The following NBEA variants were observed in gnomAD, a reference collection of about 807,000 sequenced individuals.
The protein encoded by NBEA is neurobeachin.
NBEA carries 44 observed loss-of-function variants against 343.4 expected under a neutral mutation model. The observed-to-expected ratio is 0.13, with a 90% CI of 0.10 to 0.16. The LOEUF (loss-of-function observed/expected upper bound fraction) is 0.16, where lower values mean the gene tolerates loss of function less well. Among genes scored for constraint, NBEA ranks in the 10% least tolerant of loss-of-function variants. The pLI, the probability that NBEA is intolerant of heterozygous loss-of-function variation, is 1.00. For missense variants in NBEA, 2,555 were observed against 3,631.3 expected (o/e 0.70, Z 7.62); for synonymous variants, 1,175 against 1,238.7 (o/e 0.95, Z 1.08).
rs566256715 is a variant in NBEA at position 34,957,955 on chromosome 13, C to T, written c.294+14841C>T. ...CAGTGTGGAAGCCCATTTCTTGTGG[C>T]GGTGAGCGCTTATAATGTGGCTTTT... On this transcript the variant is annotated intron_variant, in intron 1 of 58. Transcript: ENST00000379939. Among the ~76,000 whole-genome samples, 94 of 151,944 alleles carry T rather than the reference C, an allele frequency of 6.2e-4. 1 individual carries two copies. The highest frequency in any genetic ancestry group is 2.2e-3 in the African/African-American group (91 of 41,492).
chr13:35,583,379 G>C (rs949307576), intron 45 of NBEA, among the ~76,000 whole-genome samples: 4 of 152,154 alleles, frequency 2.6e-5, no homozygotes, highest in African/African-American at 9.7e-5. Flanking sequence ...CAGTAAAAAG[G>C]ATAGTTGTTC....
intron 39 of NBEA, among the ~76,000 whole-genome samples, chr13:35,443,458 T>A (rs1033293943): frequency 6.6e-6 from 1 of 152,002 alleles, no homozygotes; most frequent in African/African-American, 2.4e-5. Flanking sequence ...TTCAATATAT[T>A]CTCTGTCAAC....
At chr13:35,325,914 T>A (rs1352649219) in intron 36 of NBEA, among the ~76,000 whole-genome samples, 1 of 151,986 alleles carries the variant, frequency 6.6e-6, no homozygotes, top group Non-Finnish European at 1.5e-5. Context: ...GAATAAGGAG[T>A]CCTTTCTCCA....
intron 22 of NBEA, among the ~76,000 whole-genome samples, chr13:35,160,254 G>T (rs564202779): frequency 6.6e-6 from 1 of 152,120 alleles, no homozygotes; most frequent in East Asian, 1.9e-4. Flanking sequence ...GTGTAACTTT[G>T]CTCAACCTCT....
chr13:35,576,710 A>G (rs1330181044), intron 45 of NBEA, among the ~76,000 whole-genome samples: 1 of 152,214 alleles, frequency 6.6e-6, no homozygotes, highest in Non-Finnish European at 1.5e-5. Context: ...TATACAAAGT[A>G]GAATTACTTG....
At chr13:35,400,514 T>A (rs2042955714) in intron 38 of NBEA, among the ~76,000 whole-genome samples, 1 of 152,000 alleles carries the variant, frequency 6.6e-6, no homozygotes. Flanking sequence ...ATTATATATA[T>A]TTTTTGAGGA....
chr13:35,561,037 A>G (rs2153021586), intron 44 of NBEA, among the ~76,000 whole-genome samples: 1 of 152,312 alleles, frequency 6.6e-6, no homozygotes, highest in African/African-American at 2.4e-5. Flanking sequence ...CCATTGATCT[A>G]GGGACCACAC....
chr13:35,605,296 G>A (rs9634734), intron 47 of NBEA, among the ~76,000 whole-genome samples: 7,884 of 152,178 alleles, frequency 0.052, 379 homozygotes, highest in East Asian at 0.24. Flanking sequence ...CACACAGAGT[G>A]TTACTAAAAT....
Position 35,654,848 on chromosome 13 carries a change from CT to C in NBEA, c.8036-3del. ...TTCTTCAAATGCTTTTTTCCATTTACTTTTAGCCAATAATTCAGGTGTAAAC... is the reference window on the plus strand; with the variant it reads ...TTCTTCAAATGCTTTTTTCCATTTACTTTAGCCAATAATTCAGGTGTAAAC... On this transcript the variant is annotated splice_polypyrimidine_tract_variant and splice_region_variant and intron_variant, in intron 53 of 58. Coordinates refer to ENST00000379939, the MANE Select transcript of NBEA (RefSeq NM_001385012.1). 6.4e-7 allele frequency: 1 copy of C among 1,564,442 alleles called. No homozygotes were observed. Among genetic ancestry groups the C allele is most frequent in the Non-Finnish European group, 8.6e-7 (1 of 1,163,318 alleles).
chr13:35,453,912 T>C (rs2046428971), intron 40 of NBEA, among the ~76,000 whole-genome samples: 1 of 152,106 alleles, frequency 6.6e-6, no homozygotes, highest in Non-Finnish European at 1.5e-5. Context: ...ACAGTGAAAA[T>C]ATGCTTGAAA....
intron 38 of NBEA, among the ~76,000 whole-genome samples, chr13:35,352,690 T>G (rs1276724686): frequency 6.6e-6 from 1 of 152,110 alleles, no homozygotes; most frequent in Admixed American, 6.6e-5. Context: ...ACTTATTAAA[T>G]TTATATCATT....
chr13:34,988,240 G>A lies in NBEA; in HGVS notation c.294+45126G>A, dbSNP rs541356636. ...CTGGGAGGTGTCTCCCAGTTAGCCAGTTAGGCTACACGGGGGTCAGGGAGG... is the reference window on the plus strand; with the variant it reads ...CTGGGAGGTGTCTCCCAGTTAGCCAATTAGGCTACACGGGGGTCAGGGAGG... On this transcript the variant is annotated intron_variant, in intron 1 of 58. Coordinates refer to ENST00000379939, the MANE Select transcript of NBEA (RefSeq NM_001385012.1). Among the ~76,000 whole-genome samples the A allele has an allele frequency of 4.8e-4, 72 of 151,224 alleles. 1 individual carries two copies. Among genetic ancestry groups the A allele is most frequent in the Middle Eastern group, 6.8e-3 (2 of 294 alleles).
intron 17 of NBEA, among the ~76,000 whole-genome samples, chr13:35,127,582 G>T (rs538035635): frequency 6.6e-6 from 1 of 152,194 alleles, no homozygotes; most frequent in African/African-American, 2.4e-5. Flanking sequence ...GAATTTCCAT[G>T]TAAGTGGACA....
intron 1 of NBEA, among the ~76,000 whole-genome samples, chr13:35,013,574 G>A (rs771879797): frequency 1.3e-5 from 2 of 151,642 alleles, no homozygotes; most frequent in African/African-American, 2.4e-5. Flanking sequence ...AGGTTCAGGC[G>A]ATTCTCCTGC....
At chr13:35,176,910 G>A in intron 27 of NBEA, 86 bp from the exon 28 acceptor site, 1 of 820,862 alleles carries the variant, frequency 1.2e-6, no homozygotes, top group Non-Finnish European at 2.0e-6. Context: ...TACATGATGT[G>A]ACCAGTTTAG....
rs774738973 is a variant in NBEA, at chr13:35,123,552, T to C, written c.2314T>C (p.Phe772Leu). 20 of 1,528,920 alleles carry C rather than the reference T, an allele frequency of 1.3e-5. No individual in the cohort carries two copies. The highest frequency in any genetic ancestry group is 6.8e-5 in the African/African-American group (5 of 73,692). The allele number at this position is 1,528,920 out of a possible 1,614,324, so 94.7% of individuals were successfully genotyped here. Residue 772 changes from phenylalanine (F) to leucine (L), a missense_variant, in exon 17 of 59, where the codon TTT (phenylalanine) becomes CTT (leucine). By Grantham distance (22) the Phe-to-Leu change is conservative. Transcript: ENST00000379939. ...TCAAGCTTTGAAGGTTCTGGGATACTTTCTGAAGCATTTAGGTCACAAGTA... is the reference window on the plus strand; with the variant it reads ...TCAAGCTTTGAAGGTTCTGGGATACCTTCTGAAGCATTTAGGTCACAAGTA... ...WVQALKVLGY[F>L]LKHLGHKRKV...
intron 18 of NBEA, among the ~76,000 whole-genome samples, chr13:35,145,363 T>C (rs1161190625): frequency 1.3e-5 from 2 of 152,200 alleles, no homozygotes; most frequent in African/African-American, 4.8e-5. Context: ...GGGCTTAGGA[T>C]GTACCCCAGA....
At chr13:35,335,551 T>A (rs1483160026) in intron 36 of NBEA, among the ~76,000 whole-genome samples, 2 of 152,180 alleles carry the variant, frequency 1.3e-5, no homozygotes, top group African/African-American at 4.8e-5. Context: ...CTTATCAAGA[T>A]CTTTCACTTC....
intron 39 of NBEA, among the ~76,000 whole-genome samples, chr13:35,448,766 G>A (rs1035550988): frequency 6.7e-6 from 1 of 150,178 alleles, no homozygotes; most frequent in African/African-American, 2.4e-5. Context: ...AGGGAATGGG[G>A]TGGTGGGGTG....
Sources: allele counts gnomAD v4.1 joint callset (sites outside exome capture counted in the v4.1 genomes callset), GRCh38; gene constraint gnomAD v4.1.1; transcripts MANE v1.5; gene names NCBI Gene and HGNC (gene_info 2026-07-23, HGNC 2026-07-21).